ABCC11: variants seen among roughly 807,000 people sequenced by gnomAD.
ABCC11 encodes ATP-binding cassette sub-family C member 11.
A neutral mutation model predicts 149.3 loss-of-function variants in ABCC11; 135 were observed. The ratio of observed to expected loss-of-function variants is 0.90; its 90% CI spans 0.79 to 1.04. The LOEUF (loss-of-function observed/expected upper bound fraction) is 1.04, where lower values mean the gene tolerates loss of function less well. Ranked by LOEUF, ABCC11 falls within the 50% of genes least tolerant of loss-of-function variation. ABCC11 has a pLI of 0.00. For missense variants in ABCC11, 1,680 were observed against 1,722.1 expected, an observed-to-expected ratio of 0.98 and a Z score of 0.43; for synonymous variants, 665 against 671.4, an observed-to-expected ratio of 0.99 and a Z score of 0.15.
intron 1 of ABCC11, among the ~76,000 whole-genome samples, chr16:48,242,947 T>C (rs1971060083): frequency 6.6e-6 from 1 of 152,104 alleles, no homozygotes; most frequent in Non-Finnish European, 1.5e-5. Context: ...ATATACCTAA[T>C]GTAAATGACG....
Position 48,222,579 on chromosome 16 carries a change from G to C in ABCC11, c.777+19C>G. 1 of 1,603,608 alleles carries C rather than the reference G, an allele frequency of 6.2e-7. No individual in the cohort carries two copies. Among genetic ancestry groups the C allele is most frequent in the Non-Finnish European group, 8.5e-7 (1 of 1,170,546 alleles). On this transcript the variant is annotated intron_variant, in intron 6 of 29. Coordinates refer to ENST00000356608, the MANE Select transcript of ABCC11 (RefSeq NM_001370497.1). ...GGGTAGGGAAGCATGGCCCAGAATA[G>C]GCAGTCCCAGCTGCTTACCTCTCCT...
At chr16:48,183,408 G>A (rs1418157567) in intron 23 of ABCC11, among the ~76,000 whole-genome samples, 1 of 152,230 alleles carries the variant, frequency 6.6e-6, no homozygotes, top group Admixed American at 6.5e-5. Flanking sequence ...GGCACAGAGG[G>A]ATTCCGGCCT....
chr16:48,175,302 G>A lies in ABCC11; in HGVS notation c.3654C>T (p.Leu1218=). Residue 1218 remains leucine (L), a synonymous_variant, in exon 26 of 30, where the codon CTC becomes CTT. Transcript: ENST00000356608. ...SIGLEDLRSK[L]SVIPQDPVLL... ...GCACTGGATCTTGAGGGATCACTGA[G>A]AGCTTGGACCGCAAGTCCTCCAGGC... 1 of 1,614,116 alleles carries A rather than the reference G, an allele frequency of 6.2e-7. No homozygotes were observed. Among genetic ancestry groups the A allele is most frequent in the Non-Finnish European group, 8.5e-7 (1 of 1,179,946 alleles).
At chr16:48,178,804 AT>A (rs1966253582) in intron 23 of ABCC11, 118 bp from the exon 24 acceptor site, 1 of 861,924 alleles carries the variant, frequency 1.2e-6, no homozygotes, top group Admixed American at 2.3e-5. Flanking sequence ...AACTAAGATA[AT>A]TTTCCTAGCA....
chr16:48,222,657 A>T lies in ABCC11; in HGVS notation c.718T>A (p.Ser240Thr), dbSNP rs1239986971. The T allele has an allele frequency of 6.2e-7, 1 of 1,614,192 alleles. No homozygotes were observed. ...TAIRFRAAVSSFAFEKLIQFK... is the reference protein window; with the variant it reads ...TAIRFRAAVSTFAFEKLIQFK... ...TGGATGAGCTTCTCAAAGGCAAAGG[A>T]GGAAACAGCTGCTCGGAACCTGATG... The change falls in exon 6 of 30, where the codon TCC (serine) becomes ACC (threonine). Residue 240 changes from serine to threonine, a missense_variant. Coordinates refer to ENST00000356608, the MANE Select transcript of ABCC11 (RefSeq NM_001370497.1).
intron 26 of ABCC11, among the ~76,000 whole-genome samples, chr16:48,174,650 T>TCTG (rs1965923697): frequency 6.6e-6 from 1 of 151,012 alleles, no homozygotes; most frequent in Non-Finnish European, 1.5e-5. Flanking sequence ...TGTGTACCAT[T>TCTG]GAAGAAGCAC....
At position 48,178,657 on chromosome 16, in the gene ABCC11, C is replaced by T. The variant is rs755799711; in HGVS notation, c.3288G>A (p.Arg1096=). The T allele has an allele frequency of 1.9e-6, 3 of 1,614,164 alleles. No homozygotes were observed. The highest frequency in any genetic ancestry group is 2.5e-6 in the Non-Finnish European group (3 of 1,180,026). Residue 1096 remains arginine, a synonymous_variant, in exon 24 of 30, where the codon CGG becomes CGA. Coordinates refer to ENST00000356608, the MANE Select transcript of ABCC11 (RefSeq NM_001370497.1). ...ACTGTGCCTCTGTCTCCAAGCCAAT[C>T]CGGGCAGTGGCCTGGAAGCTGGACG... ...QLASSFQATA[R]IGLETEAQFT... is the part of the protein sequence containing the mutation.
At chr16:48,173,778 C>T (rs979769337) in intron 26 of ABCC11, among the ~76,000 whole-genome samples, 2 of 151,958 alleles carry the variant, frequency 1.3e-5, no homozygotes, top group Non-Finnish European at 2.9e-5. Flanking sequence ...ACATGCACCA[C>T]CACATCTGGC....
chr16:48,237,043 A>G (rs1167233092), intron 1 of ABCC11, among the ~76,000 whole-genome samples: 1 of 152,232 alleles, frequency 6.6e-6, no homozygotes, highest in Non-Finnish European at 1.5e-5. Context: ...CCTCCGGCAT[A>G]AGTGGGTTAA....
intron 20 of ABCC11, among the ~76,000 whole-genome samples, chr16:48,191,186 C>A (rs149341782): frequency 6.6e-6 from 1 of 152,110 alleles, no homozygotes. Context: ...TAATAATGTA[C>A]CAATATTGAC....
At chr16:48,181,611 C>CT (rs1201878982) in intron 23 of ABCC11, among the ~76,000 whole-genome samples, 2,636 of 142,118 alleles carry the variant, frequency 0.019, 57 homozygotes, top group African/African-American at 0.056. Flanking sequence ...ACCACATGTT[C>CT]TTTTTTTTTT....
Position 48,187,306 on chromosome 16 carries a change from A to G in ABCC11, c.2828T>C (p.Val943Ala). 1 of 1,614,208 alleles carries G rather than the reference A, an allele frequency of 6.2e-7. No individual in the cohort carries two copies. Among genetic ancestry groups the G allele is most frequent in the Non-Finnish European group, 8.5e-7 (1 of 1,180,038 alleles). ...LLPIFSEQFLVLSLMVIAVLL... is the reference protein window; with the variant it reads ...LLPIFSEQFLALSLMVIAVLL... ...GACGGCGATCACCATTAAGGACAGG[A>G]CCAGGAACTGCTCTGAAAAGATGGG... The change falls in exon 21 of 30, where the codon GTC becomes GCC. Residue 943 changes from valine to alanine, a missense_variant. Transcript: ENST00000356608.
In ABCC11 at chr16:48,184,336, C is replaced by T; in HGVS notation, c.3258+104G>A. On this transcript the variant is annotated intron_variant, in intron 23 of 29. Transcript: ENST00000356608. The stretch of plus-strand genomic sequence containing the variant: ...TCCTAAGATCACACGTGGCCAGAGC[C>T]TAAGGTGTCATTGAACACCTGAGGA... 4 of 1,385,664 alleles carry T rather than the reference C, an allele frequency of 2.9e-6. No homozygotes were observed. The Admixed American group carries it at 6.6e-5, about 23-fold the overall frequency. The allele number at this position is 1,385,664 out of a possible 1,614,324, so 85.8% of individuals were successfully genotyped here. A position where few individuals can be genotyped will look rare whatever the true frequency, so the allele number is the denominator to read the frequency against.
At chr16:48,208,578 G>C in intron 11 of ABCC11, 82 bp from the exon 12 acceptor site, 12 of 1,483,380 alleles carry the variant, frequency 8.1e-6, no homozygotes, top group Non-Finnish European at 1.1e-5. Flanking sequence ...CAACTGTTTA[G>C]AACCCAAAAC....
intron 10 of ABCC11, 50 bp downstream of exon 10, chr16:48,213,393 C>T (rs1289726486): frequency 6.6e-7 from 1 of 1,520,044 alleles, no homozygotes; most frequent in Middle Eastern, 1.7e-4. Context: ...GGGCTGAAGG[C>T]AGAGGAGCGT....
intron 6 of ABCC11, among the ~76,000 whole-genome samples, chr16:48,217,477 T>C (rs1206458900): frequency 6.6e-6 from 1 of 152,100 alleles, no homozygotes; most frequent in Middle Eastern, 3.2e-3. Flanking sequence ...ATGCCTGTAG[T>C]CCCAGCTTCT....
chr16:48,175,408 G>A lies in ABCC11; in HGVS notation c.3548C>T (p.Ser1183Phe), dbSNP rs1384858241. Residue 1183 changes from serine (S) to phenylalanine (F), a missense_variant, in exon 26 of 30, where the codon TCC becomes TTC. Physicochemically the swap from Ser to Phe is radical, Grantham distance 155. Coordinates refer to ENST00000356608, the MANE Select transcript of ABCC11 (RefSeq NM_001370497.1). ...CAGGCGGAAGAGAGCCATGCCCAAG[G>A]AGGACTTCCCTGTGGGGCAAGAAAC... ...IVGRTGSGKS[S>F]LGMALFRLVE... 3.1e-6 allele frequency: 5 copies of A among 1,609,826 alleles called. No individual in the cohort carries two copies. The South Asian group carries it at 3.3e-5, about 11-fold the overall frequency.
At chr16:48,171,748 G>A (rs1965737489) in intron 26 of ABCC11, among the ~76,000 whole-genome samples, 1 of 152,198 alleles carries the variant, frequency 6.6e-6, no homozygotes, top group South Asian at 2.1e-4. Context: ...CAGAACACTT[G>A]AGGTCAGGAG....
chr16:48,241,025 C>G (rs1343713133), intron 1 of ABCC11, among the ~76,000 whole-genome samples: 1 of 152,082 alleles, frequency 6.6e-6, no homozygotes, highest in East Asian at 1.9e-4. Context: ...ACCTCTGCCT[C>G]CTGGGTTTAA....
Sources: allele counts gnomAD v4.1 joint callset (sites outside exome capture counted in the v4.1 genomes callset), GRCh38; gene constraint gnomAD v4.1.1; transcripts MANE v1.5; gene names NCBI Gene and HGNC (gene_info 2026-07-23, HGNC 2026-07-21).